RASGEF1C: variants seen among roughly 807,000 people sequenced by gnomAD.
The protein encoded by RASGEF1C is ras-GEF domain-containing family member 1C.
A neutral mutation model predicts 58.1 loss-of-function variants in RASGEF1C; 27 were observed. The observed-to-expected ratio is 0.46, with a 90% CI of 0.34 to 0.64. The LOEUF is 0.64. Ranked by LOEUF, RASGEF1C falls within the 30% of genes least tolerant of loss-of-function variation. The pLI is 0.01. For synonymous variants in RASGEF1C, 243 were observed against 246.3 expected (o/e 0.99, Z 0.13); for missense variants, 502 against 605.1 (o/e 0.83, Z 1.79).
intron 1 of RASGEF1C, among the ~76,000 whole-genome samples, chr5:180,208,687 C>G (rs1347215596): frequency 3.3e-5 from 5 of 152,018 alleles, no homozygotes; most frequent in Non-Finnish European, 7.4e-5. Flanking sequence ...AGGTCCGGTG[C>G]GGGTGGAGGC....
At chr5:180,118,907 CA>C (rs1292392372) in intron 8 of RASGEF1C, 41 bp from the exon 9 acceptor site, 24 of 1,584,624 alleles carry the variant, frequency 1.5e-5, no homozygotes, top group Admixed American at 1.7e-5. Flanking sequence ...GCTCCTGGGA[CA>C]GGGGGGCCTC....
chr5:180,137,779 G>A lies in RASGEF1C; in HGVS notation c.178-67C>T, dbSNP rs956890196. ...ACCAGGAGGGGCATGCTTCCCAGCT[G>A]GCCCTGTACCCTGGCCCAAGGTCAC... is the stretch of plus-strand genomic sequence containing the variant. On this transcript the variant is annotated intron_variant, in intron 2 of 13. Transcript: ENST00000361132. This position sits in a 1 kb window ranked among gnomAD's most constrained non-coding sequence, Gnocchi z 4.1. The A allele has an allele frequency of 3.1e-6, 5 of 1,605,726 alleles. No homozygotes were observed. The Admixed American group carries it at 5.0e-5, about 16-fold the overall frequency.
intron 1 of RASGEF1C, among the ~76,000 whole-genome samples, chr5:180,199,800 G>C (rs1396559875): frequency 6.6e-6 from 1 of 151,890 alleles, no homozygotes; most frequent in Non-Finnish European, 1.5e-5. Context: ...AAAGCGCTGG[G>C]ACTACAGGTA....
intron 1 of RASGEF1C, among the ~76,000 whole-genome samples, chr5:180,163,231 C>CTTTTTTGTTTTTT (rs1766971518): frequency 5.1e-5 from 1 of 19,458 alleles, no homozygotes; most frequent in African/African-American, 1.3e-4. Flanking sequence ...CACCCCCTCA[C>CTTTTTTGTTTTTT]TTTTTTTTTT....
intron 6 of RASGEF1C, among the ~76,000 whole-genome samples, chr5:180,122,534 A>G (rs996208054): frequency 2.6e-5 from 4 of 152,142 alleles, no homozygotes; most frequent in African/African-American, 9.7e-5. Context: ...TGAGGTCAGG[A>G]GTTCAGGAAC....
At position 180,197,274 on chromosome 5, in the gene RASGEF1C, G is replaced by A. The variant is rs991066318; in HGVS notation, c.-7+11754C>T. 5.3e-5 allele frequency among the ~76,000 whole-genome samples: 8 copies of A among 152,342 alleles called. No homozygotes were observed. The highest frequency in any genetic ancestry group is 1.9e-4 in the African/African-American group (8 of 41,584). ...ATCACTCAACAATGGCTGGGACAGA[G>A]GGGAGCCCGAACCCTGGGACGGCAG... is the stretch of plus-strand genomic sequence containing the variant. On this transcript the variant is annotated intron_variant, in intron 1 of 13. Coordinates refer to ENST00000361132, the MANE Select transcript of RASGEF1C (RefSeq NM_175062.4). This position sits in a 1 kb window ranked among gnomAD's most constrained non-coding sequence, Gnocchi z 4.7.
intron 4 of RASGEF1C, 106 bp downstream of exon 4, chr5:180,136,272 G>T: frequency 8.6e-7 from 1 of 1,156,222 alleles, no homozygotes; most frequent in Non-Finnish European, 1.2e-6. Context: ...GACGGGCCGT[G>T]GTGTGCAGGG....
intron 1 of RASGEF1C, among the ~76,000 whole-genome samples, chr5:180,161,899 C>T (rs1766950781): frequency 6.6e-6 from 1 of 152,260 alleles, no homozygotes; most frequent in Non-Finnish European, 1.5e-5. Context: ...TCTTCTCTGC[C>T]TCCCCGCAAG....
At chr5:180,187,071 T>G (rs938699321) in intron 1 of RASGEF1C, among the ~76,000 whole-genome samples, 5 of 152,228 alleles carry the variant, frequency 3.3e-5, no homozygotes, top group African/African-American at 1.2e-4. Context: ...GGACTCACAC[T>G]TCCTGATTTC....
chr5:180,138,911 C>A (rs1291711765), intron 1 of RASGEF1C, among the ~76,000 whole-genome samples: 1 of 152,156 alleles, frequency 6.6e-6, no homozygotes, highest in African/African-American at 2.4e-5. Context: ...GCCTCGTCCT[C>A]GGTGAAGCCT....
At position 180,118,652 on chromosome 5, in the gene RASGEF1C, C is replaced by T; in HGVS notation, c.1040G>A (p.Gly347Glu). 6.2e-7 allele frequency: 1 copy of T among 1,613,890 alleles called. No individual in the cohort carries two copies. Among genetic ancestry groups the T allele is most frequent in the Non-Finnish European group, 8.5e-7 (1 of 1,179,874 alleles). The change falls in exon 10 of 14, where the codon GGG becomes GAG. Residue 347 changes from glycine (G) to glutamate (E), a missense_variant. Gly to Glu is a moderately conservative substitution (Grantham distance 98, BLOSUM62 -2). Coordinates refer to ENST00000361132, the MANE Select transcript of RASGEF1C (RefSeq NM_175062.4). Reference protein sequence around the residue: ...NFCNYRTALRGAAHRSLTAHS... With the variant: ...NFCNYRTALREAAHRSLTAHS... The stretch of plus-strand genomic sequence containing the variant: ...GGCCGTCAGGGAGCGGTGGGCCGCC[C>T]CGCGCAGGGCTGTCCTGTAGTTGCA...
intron 1 of RASGEF1C, among the ~76,000 whole-genome samples, chr5:180,187,552 T>C (rs767051325): frequency 6.6e-6 from 1 of 152,012 alleles, no homozygotes; most frequent in African/African-American, 2.4e-5. Flanking sequence ...TTAAGAGAAA[T>C]TAAAGAAAAT....
chr5:180,149,396 C>T (rs1462993510), intron 1 of RASGEF1C, among the ~76,000 whole-genome samples: 2 of 150,916 alleles, frequency 1.3e-5, no homozygotes, highest in Non-Finnish European at 2.9e-5. Context: ...CCCGCCAAGG[C>T]CTCTAAGGTT....
intron 12 of RASGEF1C, among the ~76,000 whole-genome samples, chr5:180,106,280 T>G (rs1765872530): frequency 6.6e-6 from 1 of 152,242 alleles, no homozygotes; most frequent in Admixed American, 6.5e-5. Context: ...GTTTTTCTGC[T>G]TACGGGTTCA....
intron 1 of RASGEF1C, among the ~76,000 whole-genome samples, chr5:180,183,111 T>A (rs1312195804): frequency 6.6e-6 from 1 of 152,090 alleles, no homozygotes; most frequent in African/African-American, 2.4e-5. Flanking sequence ...TAAGCTTTTT[T>A]AAAAAAAGGT....
intron 1 of RASGEF1C, among the ~76,000 whole-genome samples, chr5:180,171,066 A>G (rs1019790731): frequency 1.3e-5 from 2 of 152,158 alleles, no homozygotes; most frequent in Non-Finnish European, 2.9e-5. Context: ...CAGGGACCAC[A>G]GTGTGAGACG....
chr5:180,145,585 C>T (rs572378694), intron 1 of RASGEF1C, among the ~76,000 whole-genome samples: 1 of 152,278 alleles, frequency 6.6e-6, no homozygotes, highest in East Asian at 1.9e-4. Context: ...TATCAGTGAT[C>T]TTGAGCATCT....
Position 180,118,643 on chromosome 5 carries a change from T to C in RASGEF1C, c.1049A>G (p.His350Arg), listed in dbSNP as rs574978411. ...GCTGCTGTGGGCCGTCAGGGAGCGG[T>C]GGGCCGCCCCGCGCAGGGCTGTCCT... ...NYRTALRGAA[H>R]RSLTAHSSRE... The change falls in exon 10 of 14, where the codon CAC becomes CGC. Residue 350 changes from histidine to arginine, a missense_variant. Coordinates refer to ENST00000361132, the MANE Select transcript of RASGEF1C (RefSeq NM_175062.4). 5 of 1,613,578 alleles carry C rather than the reference T, an allele frequency of 3.1e-6. No homozygotes were observed. Among genetic ancestry groups the C allele is most frequent in the Admixed American group, 1.7e-5 (1 of 59,982 alleles).
chr5:180,138,868 T>C (rs1403425857), intron 1 of RASGEF1C, among the ~76,000 whole-genome samples: 3 of 152,072 alleles, frequency 2.0e-5, no homozygotes, highest in African/African-American at 7.2e-5. Flanking sequence ...CCCACCATCT[T>C]CACTCCCCTA....
Sources: gnomAD v4.1 joint callset for allele counts (sites outside exome capture counted in the v4.1 genomes callset) on GRCh38, gnomAD v4.1.1 for gene constraint, Gnocchi (gnomAD v3.1) non-coding constraint, MANE v1.5 for transcripts, NCBI Gene and HGNC (gene_info 2026-07-23, HGNC 2026-07-21) for gene names.